LRFN5: variants seen among roughly 807,000 people sequenced by gnomAD.
LRFN5 encodes the protein leucine-rich repeat and fibronectin type-III domain-containing protein 5.
A neutral mutation model predicts 45.6 loss-of-function variants in LRFN5; 24 were observed. The observed-to-expected ratio is 0.53, with a 90% CI of 0.38 to 0.74. The LOEUF is 0.74. Ranked by LOEUF, LRFN5 falls within the 30% of genes least tolerant of loss-of-function variation. The probability of loss-of-function intolerance (pLI) is 0.00; values close to 1 mark genes in which losing one functional copy is unlikely to be tolerated. For missense variants in LRFN5, 776 were observed against 861.5 expected, an observed-to-expected ratio of 0.90 and a Z score of 1.24; for synonymous variants, 340 against 313.8, an observed-to-expected ratio of 1.08 and a Z score of -0.88.
intron 2 of LRFN5, among the ~76,000 whole-genome samples, chr14:41,789,857 C>T (rs1594711133): frequency 6.6e-6 from 1 of 151,698 alleles, no homozygotes; most frequent in South Asian, 2.1e-4. Context: ...TATTTTTTGA[C>T]TGGTTTCGTA....
At chr14:41,781,578 AAGAAAGAAAGAAAG>A (rs1490384136) in intron 2 of LRFN5, among the ~76,000 whole-genome samples, 3 of 114,442 alleles carry the variant, frequency 2.6e-5, no homozygotes, top group African/African-American at 4.3e-5. Context: ...GAAAGAAAGA[AAGAAAGAAAGAAAG>A]AAAGAAAGAA....
chr14:41,780,534 T>C (rs1310500452), intron 2 of LRFN5, among the ~76,000 whole-genome samples: 1 of 152,128 alleles, frequency 6.6e-6, no homozygotes, highest in Non-Finnish European at 1.5e-5. Flanking sequence ...ATGGTCTATA[T>C]TTCTTCATCC....
At chr14:41,713,426 A>T (rs1462037977) in intron 1 of LRFN5, among the ~76,000 whole-genome samples, 1 of 152,122 alleles carries the variant, frequency 6.6e-6, no homozygotes, top group African/African-American at 2.4e-5. Flanking sequence ...TAGTACAAAG[A>T]CAATCTATAA....
At chr14:41,694,977 G>A (rs146499000) in intron 1 of LRFN5, among the ~76,000 whole-genome samples, 1 of 152,084 alleles carries the variant, frequency 6.6e-6, no homozygotes, top group African/African-American at 2.4e-5. Context: ...GATAGGCCAA[G>A]AGCTAGACTT....
chr14:41,758,246 G>A (rs1200253449), intron 1 of LRFN5, among the ~76,000 whole-genome samples: 2 of 152,104 alleles, frequency 1.3e-5, no homozygotes, highest in African/African-American at 2.4e-5. Context: ...GCTTGATAAG[G>A]ATGACATATT....
At chr14:41,801,070 A>G (rs1416820651) in intron 2 of LRFN5, among the ~76,000 whole-genome samples, 1 of 152,126 alleles carries the variant, frequency 6.6e-6, no homozygotes, top group Non-Finnish European at 1.5e-5. Context: ...CAGAGTTTAT[A>G]TATGTACATA....
chr14:41,715,041 A>G (rs762581503), intron 1 of LRFN5, among the ~76,000 whole-genome samples: 10 of 152,182 alleles, frequency 6.6e-5, no homozygotes, highest in Non-Finnish European at 1.2e-4. Context: ...GGTGGAAGGT[A>G]TGCAGAGGCA....
chr14:41,642,408 T>C (rs1277531846), intron 1 of LRFN5, among the ~76,000 whole-genome samples: 4 of 152,202 alleles, frequency 2.6e-5, no homozygotes, highest in Non-Finnish European at 5.9e-5. Flanking sequence ...ATTAGTCTTC[T>C]TCTAGCTCAA....
At chr14:41,840,187 T>G (rs187540137) in intron 2 of LRFN5, among the ~76,000 whole-genome samples, 1 of 152,222 alleles carries the variant, frequency 6.6e-6, no homozygotes, top group East Asian at 1.9e-4. Flanking sequence ...AAAATTAGTC[T>G]GGTACGCTGA....
intron 2 of LRFN5, among the ~76,000 whole-genome samples, chr14:41,801,597 T>G (rs1887335159): frequency 6.6e-6 from 1 of 152,184 alleles, no homozygotes; most frequent in Non-Finnish European, 1.5e-5. Context: ...CTCCTATGCC[T>G]GTTTACTTCT....
At chr14:41,889,059 A>T (rs1890687398) in intron 3 of LRFN5, among the ~76,000 whole-genome samples, 1 of 148,222 alleles carries the variant, frequency 6.7e-6, no homozygotes, top group African/African-American at 2.5e-5. Context: ...GTATATATAT[A>T]CACACATATA....
chr14:41,806,511 T>C (rs1887531538), intron 2 of LRFN5, among the ~76,000 whole-genome samples: 1 of 150,332 alleles, frequency 6.7e-6, no homozygotes, highest in South Asian at 2.1e-4. Flanking sequence ...AGATCTTGAG[T>C]AACTAAAAGC....
At chr14:41,678,738 C>T (rs1881750698) in intron 1 of LRFN5, among the ~76,000 whole-genome samples, 1 of 152,154 alleles carries the variant, frequency 6.6e-6, no homozygotes, top group African/African-American at 2.4e-5. Context: ...CCTGTAAGAA[C>T]ACTAAATTGA....
At position 41,688,609 on chromosome 14, in the gene LRFN5, T is replaced by C. The variant is rs1882224033; in HGVS notation, c.-196-78245T>C. On this transcript the variant is annotated intron_variant, in intron 1 of 5. Coordinates refer to ENST00000298119, the MANE Select transcript of LRFN5 (RefSeq NM_152447.5). ...AAATTTAAACCAAACAATTCTAAATTACCAGTGGGTCAAAGAAAAAAAATG... is the reference window on the plus strand; with the variant it reads ...AAATTTAAACCAAACAATTCTAAATCACCAGTGGGTCAAAGAAAAAAAATG... Among the ~76,000 whole-genome samples, 3 of 151,166 alleles carry C rather than the reference T, an allele frequency of 2.0e-5. No homozygotes were observed. The South Asian group carries it at 6.3e-4, about 31-fold the overall frequency.
At chr14:41,816,466 A>G (rs1043851981) in intron 2 of LRFN5, among the ~76,000 whole-genome samples, 3 of 151,986 alleles carry the variant, frequency 2.0e-5, no homozygotes, top group African/African-American at 7.2e-5. Context: ...TGGAAAGTCT[A>G]CTGGCAACAA....
At chr14:41,760,251 C>T (rs996062051) in intron 1 of LRFN5, among the ~76,000 whole-genome samples, 1 of 152,080 alleles carries the variant, frequency 6.6e-6, no homozygotes, top group African/African-American at 2.4e-5. Flanking sequence ...AATAAATAAA[C>T]ATTTATTTCT....
At chr14:41,832,433 T>A (rs1481863580) in intron 2 of LRFN5, among the ~76,000 whole-genome samples, 2 of 152,168 alleles carry the variant, frequency 1.3e-5, no homozygotes, top group African/African-American at 2.4e-5. Flanking sequence ...GGCAATTTCA[T>A]TTTTTAATTT....
At chr14:41,781,269 C>T (rs1886471650) in intron 2 of LRFN5, among the ~76,000 whole-genome samples, 1 of 151,974 alleles carries the variant, frequency 6.6e-6, no homozygotes, top group African/African-American at 2.4e-5. Context: ...TGCATGTAAG[C>T]CCAGGAGTTT....
Position 41,793,927 on chromosome 14 carries a change from A to G in LRFN5, c.-21+26898A>G, listed in dbSNP as rs973622150. Reference sequence around the variant, plus strand: ...AAATTAAATTCATCTTTGAAAATCTACTCTCCTGTCGTTATATTCCTTTGC... The same window carrying G: ...AAATTAAATTCATCTTTGAAAATCTGCTCTCCTGTCGTTATATTCCTTTGC... On this transcript the variant is annotated intron_variant, in intron 2 of 5. Coordinates refer to ENST00000298119, the MANE Select transcript of LRFN5 (RefSeq NM_152447.5). Among the ~76,000 whole-genome samples the G allele has an allele frequency of 1.3e-4, 19 of 152,000 alleles. 1 individual carries two copies. In the South Asian group the frequency reaches 3.3e-3, roughly 27 times the overall value.
Sources: allele counts gnomAD v4.1 joint callset (sites outside exome capture counted in the v4.1 genomes callset), GRCh38; gene constraint gnomAD v4.1.1; transcripts MANE v1.5; gene names NCBI Gene and HGNC (gene_info 2026-07-23, HGNC 2026-07-21).